The following ATG7 variants were observed in gnomAD, a reference collection of about 807,000 sequenced individuals.
ATG7 encodes autophagy related 7.
Under a neutral mutation model 82.4 loss-of-function variants are expected in ATG7, and 70 were observed. The ratio of observed to expected loss-of-function variants is 0.85; its 90% CI spans 0.70 to 1.04. ATG7 has a LOEUF of 1.04. Ranked by LOEUF, ATG7 falls within the 50% of genes least tolerant of loss-of-function variation. The pLI, the probability that ATG7 is intolerant of heterozygous loss-of-function variation, is 0.00. For synonymous variants in ATG7, 287 were observed against 313.0 expected, an observed-to-expected ratio of 0.92 and a Z score of 0.88; for missense variants, 792 against 864.3, an observed-to-expected ratio of 0.92 and a Z score of 1.05.
At chr3:11,543,608 AG>A (rs1217453691) in intron 20 of ATG7, among the ~76,000 whole-genome samples, 1 of 152,146 alleles carries the variant, frequency 6.6e-6, no homozygotes. Flanking sequence ...GTGTGTTAGG[AG>A]GAGCACAAGG....
intron 20 of ATG7, among the ~76,000 whole-genome samples, chr3:11,508,194 G>A (rs2091849623): frequency 6.6e-6 from 1 of 152,112 alleles, no homozygotes; most frequent in African/African-American, 2.4e-5. Context: ...GCTATGGACA[G>A]GCCCCTATGG....
chr3:11,539,864 C>T (rs186901950), intron 20 of ATG7, among the ~76,000 whole-genome samples: 25 of 152,368 alleles, frequency 1.6e-4, no homozygotes, highest in Admixed American at 5.2e-4. Context: ...CCTGCACAGC[C>T]GCCTGGAGGT....
At chr3:11,379,871 A>G (rs2077750057) in intron 18 of ATG7, 101 bp from the exon 19 acceptor site, 2 of 1,156,754 alleles carry the variant, frequency 1.7e-6, no homozygotes, top group South Asian at 1.2e-5. Context: ...CCGGGCCGCC[A>G]TATTAATCAT....
chr3:11,345,414 TAAAATAA>T (rs989498330), intron 13 of ATG7, among the ~76,000 whole-genome samples: 2 of 149,940 alleles, frequency 1.3e-5, no homozygotes, highest in African/African-American at 5.1e-5. Flanking sequence ...GTCTCAAAAA[TAAAATAA>T]AAGAATTTTG....
chr3:11,351,931 C>T (rs976927513), intron 14 of ATG7, among the ~76,000 whole-genome samples: 1 of 151,494 alleles, frequency 6.6e-6, no homozygotes, highest in African/African-American at 2.4e-5. Context: ...ATACATGTGC[C>T]ATGTTGGTGT....
intron 3 of ATG7, among the ~76,000 whole-genome samples, chr3:11,290,026 C>T (rs1944708607): frequency 6.6e-6 from 1 of 152,182 alleles, no homozygotes; most frequent in African/African-American, 2.4e-5. Flanking sequence ...TGTGTTTTCT[C>T]ACATCCTGGT....
chr3:11,380,953 G>C (rs1202113528), intron 19 of ATG7, among the ~76,000 whole-genome samples: 2 of 152,126 alleles, frequency 1.3e-5, no homozygotes, highest in African/African-American at 2.4e-5. Flanking sequence ...AACTGTACTT[G>C]GGCTATATTT....
chr3:11,535,126 T>A (rs2092765765), intron 20 of ATG7, among the ~76,000 whole-genome samples: 1 of 152,244 alleles, frequency 6.6e-6, no homozygotes, highest in Admixed American at 6.5e-5. Context: ...GGGCCCCCCT[T>A]GAGGCTGACA....
chr3:11,427,053 A>G, intron 20 of ATG7, 127 bp downstream of exon 20: 4 of 1,200,388 alleles, frequency 3.3e-6, no homozygotes, highest in Non-Finnish European at 4.5e-6. Context: ...ATCACTAAAT[A>G]AGTCTGCTAG....
intron 19 of ATG7, among the ~76,000 whole-genome samples, chr3:11,392,475 A>AAAAAC (rs557412012): frequency 6.5e-5 from 6 of 92,368 alleles, no homozygotes; most frequent in Non-Finnish European, 1.1e-4. Flanking sequence ...AACAAACAAA[A>AAAAAC]AAAACAAAAC....
At chr3:11,362,152 A>G (rs145070961) in intron 16 of ATG7, among the ~76,000 whole-genome samples, 52 of 152,348 alleles carry the variant, frequency 3.4e-4, no homozygotes, top group African/African-American at 1.2e-3. Flanking sequence ...CTCATAAGGT[A>G]AAATTTTTAT....
At chr3:11,448,206 C>T (rs1419282495) in intron 20 of ATG7, among the ~76,000 whole-genome samples, 2 of 152,330 alleles carry the variant, frequency 1.3e-5, no homozygotes, top group Admixed American at 1.3e-4. Flanking sequence ...CTTACCACCA[C>T]CTCCAAACAA....
chr3:11,332,968 A>G lies in ATG7; in HGVS notation c.768-4A>G. ...AATAAATAAAAATCCGGGCATGACA[A>G]CAGGAGTAGCAGTTTCCAGTCTGTT... On this transcript the variant is annotated splice_region_variant and splice_polypyrimidine_tract_variant and intron_variant, in intron 10 of 20. Transcript: ENST00000693202. 2 of 1,494,076 alleles carry G rather than the reference A, an allele frequency of 1.3e-6. No homozygotes were observed. Among genetic ancestry groups the G allele is most frequent in the African/African-American group, 1.4e-5 (1 of 69,004 alleles). The allele number at this position is 1,494,076 out of a possible 1,614,324, so 92.6% of individuals were successfully genotyped here.
At chr3:11,342,840 T>C (rs1953879032) in intron 13 of ATG7, among the ~76,000 whole-genome samples, 1 of 152,128 alleles carries the variant, frequency 6.6e-6, no homozygotes, top group East Asian at 1.9e-4. Flanking sequence ...ATAGGATTTT[T>C]TTTTTTAGGA....
intron 20 of ATG7, among the ~76,000 whole-genome samples, chr3:11,510,779 A>T (rs1291233468): frequency 6.6e-6 from 1 of 152,178 alleles, no homozygotes; most frequent in Admixed American, 6.5e-5. Context: ...GGCTTGGGGT[A>T]GAATCGATAG....
intron 19 of ATG7, among the ~76,000 whole-genome samples, chr3:11,394,094 G>A (rs1323305090): frequency 1.3e-5 from 2 of 152,178 alleles, no homozygotes; most frequent in African/African-American, 4.8e-5. Context: ...CAGGGTCATA[G>A]AATGAGTAAA....
At chr3:11,362,643 G>T (rs1394274226) in intron 16 of ATG7, among the ~76,000 whole-genome samples, 170 bp from the exon 17 acceptor site, 1 of 152,076 alleles carries the variant, frequency 6.6e-6, no homozygotes, top group African/African-American at 2.4e-5. Context: ...TGTATATTTT[G>T]TTTATCTTGA....
intron 19 of ATG7, among the ~76,000 whole-genome samples, chr3:11,410,328 G>GT (rs2080776691): frequency 6.6e-6 from 1 of 151,794 alleles, no homozygotes; most frequent in Non-Finnish European, 1.5e-5. Context: ...GAATGATATT[G>GT]TATTTTTTTT....
At chr3:11,465,547 C>A (rs1476836625) in intron 20 of ATG7, among the ~76,000 whole-genome samples, 2 of 151,542 alleles carry the variant, frequency 1.3e-5, no homozygotes, top group Non-Finnish European at 2.9e-5. Flanking sequence ...GAGTGTGAGA[C>A]CAGCCTGGGC....
Sources: allele counts gnomAD v4.1 joint callset (sites outside exome capture counted in the v4.1 genomes callset), GRCh38; gene constraint gnomAD v4.1.1; transcripts MANE v1.5; gene names NCBI Gene and HGNC (gene_info 2026-07-23, HGNC 2026-07-21).